STYX: variants seen among roughly 807,000 people sequenced by gnomAD.
STYX encodes serine/threonine/tyrosine interacting protein.
STYX carries 20 observed loss-of-function variants against 42.7 expected under a neutral mutation model. The observed-to-expected ratio is 0.47, with a 90% CI of 0.33 to 0.68. The LOEUF (loss-of-function observed/expected upper bound fraction) is 0.68. Ranked by LOEUF, STYX falls within the 30% of genes least tolerant of loss-of-function variation. STYX has a pLI of 0.02. For synonymous variants in STYX, 78 were observed against 81.9 expected (o/e 0.95, Z 0.26); for missense variants, 226 against 268.5 (o/e 0.84, Z 1.11).
At chr14:52,750,580 G>C (rs1332762607) in intron 3 of STYX, 103 bp from the exon 4 acceptor site, 2 of 741,256 alleles carry the variant, frequency 2.7e-6, no homozygotes, top group African/African-American at 3.7e-5. Context: ...CAGAGATGTG[G>C]GTTCTGTGTA....
chr14:52,747,961 C>T (rs1881458633), intron 3 of STYX, among the ~76,000 whole-genome samples: 1 of 152,204 alleles, frequency 6.6e-6, no homozygotes, highest in African/African-American at 2.4e-5. Context: ...CACTGTACTC[C>T]AGCCTGGTTG....
chr14:52,747,820 C>T (rs544761329), intron 3 of STYX, among the ~76,000 whole-genome samples: 1 of 152,214 alleles, frequency 6.6e-6, no homozygotes, highest in South Asian at 2.1e-4. Context: ...GGCAAAACCC[C>T]GTCTCTACTA....
chr14:52,734,482 A>G (rs1317772710), intron 1 of STYX, among the ~76,000 whole-genome samples: 3 of 152,138 alleles, frequency 2.0e-5, no homozygotes, highest in Non-Finnish European at 4.4e-5. Context: ...CCCACCCTAA[A>G]TCACTTCATT....
intron 3 of STYX, 25 bp from the exon 4 acceptor site, chr14:52,750,658 T>C: frequency 5.1e-6 from 7 of 1,383,860 alleles, no homozygotes; most frequent in South Asian, 2.6e-5. Context: ...TTCCCTGTCC[T>C]CCCCCTGCTT....
In STYX at chr14:52,753,892, A is replaced by ATTTTT. The variant is rs56734068; in HGVS notation, c.243-2636_243-2632dup. On this transcript the variant is annotated intron_variant, in intron 4 of 10. Transcript: ENST00000354586. ...TAAAAAGGAATATCCCAAAACACTG[A>ATTTTT]TTTTTTTTTTTTTTTTTTTTTTTTT... is the stretch of plus-strand genomic sequence containing the variant. Among the ~76,000 whole-genome samples the ATTTTT allele has an allele frequency of 1.9e-4, 15 of 77,244 alleles. 3 individuals carry two copies. Among genetic ancestry groups the ATTTTT allele is most frequent in the Admixed American group, 3.3e-4 (2 of 6,080 alleles). 50.7% of individuals were successfully genotyped at this position (77,244 alleles called of 152,430 possible). A position where few individuals can be genotyped will look rare whatever the true frequency, so the allele number is the denominator to read the frequency against.
intron 1 of STYX, among the ~76,000 whole-genome samples, chr14:52,735,479 C>A (rs1454720678): frequency 6.6e-6 from 1 of 152,086 alleles, no homozygotes; most frequent in Non-Finnish European, 1.5e-5. Flanking sequence ...AGGAACATTT[C>A]CACAGGTAGA....
chr14:52,745,964 G>A (rs565331367), intron 2 of STYX, among the ~76,000 whole-genome samples: 31 of 152,244 alleles, frequency 2.0e-4, no homozygotes, highest in African/African-American at 7.5e-4. Flanking sequence ...GTTACTGTTA[G>A]TATCTAGGGT....
rs567790793 is a variant in STYX at position 52,754,430 on chromosome 14, C to A, written c.243-2121C>A. Among the ~76,000 whole-genome samples, 232 of 139,422 alleles carry A rather than the reference C, an allele frequency of 1.7e-3. 2 individuals are homozygous for A. The highest frequency in any genetic ancestry group is 5.9e-3 in the African/African-American group (220 of 37,362). The allele number at this position is 139,422 out of a possible 152,430, so 91.5% of individuals were successfully genotyped here. ...GTTTTGCTGTGTTGCCCAGGCTGTT[C>A]TTGAACTCCTGAGCTTAAGCGATCT... On this transcript the variant is annotated intron_variant, in intron 4 of 10. Coordinates refer to ENST00000354586, the MANE Select transcript of STYX (RefSeq NM_145251.4).
chr14:52,746,612 G>A, intron 3 of STYX, 133 bp downstream of exon 3: 2 of 685,318 alleles, frequency 2.9e-6, no homozygotes, highest in Non-Finnish European at 2.4e-6. Flanking sequence ...TTGTCACTCT[G>A]GAGTACCTTC....
At chr14:52,747,694 A>G (rs1881442469) in intron 3 of STYX, among the ~76,000 whole-genome samples, 1 of 152,272 alleles carries the variant, frequency 6.6e-6, no homozygotes, top group African/African-American at 2.4e-5. Context: ...ATAAATATAC[A>G]TACAGTATTT....
At chr14:52,761,840 T>A (rs1391039346) in intron 9 of STYX, among the ~76,000 whole-genome samples, 2 of 145,966 alleles carry the variant, frequency 1.4e-5, no homozygotes, top group Admixed American at 6.9e-5. Context: ...AGATCAGGAG[T>A]TTGAGACCAG....
At chr14:52,734,691 G>A (rs1177619825) in intron 1 of STYX, among the ~76,000 whole-genome samples, 1 of 152,140 alleles carries the variant, frequency 6.6e-6, no homozygotes, top group African/African-American at 2.4e-5. Flanking sequence ...AAGCCAATTC[G>A]TTCCGTATTT....
chr14:52,764,540 T>G (rs1882224518), intron 9 of STYX, among the ~76,000 whole-genome samples: 1 of 152,162 alleles, frequency 6.6e-6, no homozygotes, highest in South Asian at 2.1e-4. Flanking sequence ...ATCTTATCTA[T>G]TATTATTTCA....
intron 6 of STYX, 117 bp downstream of exon 6, chr14:52,757,472 C>T: frequency 1.0e-6 from 1 of 967,110 alleles, no homozygotes; most frequent in South Asian, 1.6e-5. Context: ...TAGTAGCTTA[C>T]TCCCAAATTT....
rs761299139 is a variant in STYX, at chr14:52,759,649, GCTATCACATTAACA to G, written c.432-30_432-17del. 7.2e-7 allele frequency: 1 copy of G among 1,392,810 alleles called. No individual in the cohort carries two copies. The highest frequency in any genetic ancestry group is 1.2e-5 in the South Asian group (1 of 84,912). 86.3% of individuals were successfully genotyped at this position (1,392,810 alleles called of 1,614,324 possible). ...GATTATGATTAATTCATTAAATAATGCTATCACATTAACACTCTTTTTCTGTTTTCAGAGATGCT... is the reference window on the plus strand; with the variant it reads ...GATTATGATTAATTCATTAAATAATGCTCTTTTTCTGTTTTCAGAGATGCT... On this transcript the variant is annotated intron_variant, in intron 8 of 10. Transcript: ENST00000354586.
At position 52,759,124 on chromosome 14, in the gene STYX, T is replaced by A. The variant is rs576997523; in HGVS notation, c.432-558T>A. 2.6e-5 allele frequency among the ~76,000 whole-genome samples: 4 copies of A among 152,128 alleles called. No homozygotes were observed. In the South Asian group the frequency reaches 8.3e-4, roughly 32 times the overall value. On this transcript the variant is annotated intron_variant, in intron 8 of 10. Transcript: ENST00000354586. ...TACTATATGCACAAAATGCTTACAT[T>A]TTATATATTTATTTTAGAGACAGGG...
intron 4 of STYX, among the ~76,000 whole-genome samples, chr14:52,752,787 T>C (rs376297066): frequency 1.9e-3 from 292 of 151,970 alleles, no homozygotes; most frequent in South Asian, 2.9e-3. Flanking sequence ...AGAAACTTCA[T>C]AGTGATTGCT....
chr14:52,751,296 C>T (rs1478683158), intron 4 of STYX, among the ~76,000 whole-genome samples: 1 of 151,992 alleles, frequency 6.6e-6, no homozygotes, highest in Non-Finnish European at 1.5e-5. Context: ...GCATTGTAAT[C>T]CATTGTATGG....
At chr14:52,742,718 A>G (rs965343127) in intron 1 of STYX, among the ~76,000 whole-genome samples, 1 of 152,146 alleles carries the variant, frequency 6.6e-6, no homozygotes, top group Non-Finnish European at 1.5e-5. Context: ...GTTTCTTTAT[A>G]GTATTAAAAC....
Sources: allele counts gnomAD v4.1 joint callset (sites outside exome capture counted in the v4.1 genomes callset), GRCh38; gene constraint gnomAD v4.1.1; transcripts MANE v1.5; gene names NCBI Gene and HGNC (gene_info 2026-07-23, HGNC 2026-07-21).